MYO9B: variants seen among roughly 807,000 people sequenced by gnomAD.
The protein encoded by MYO9B is unconventional myosin-IXb.
MYO9B carries 71 observed loss-of-function variants against 229.5 expected under a neutral mutation model. That is an observed-to-expected ratio of 0.31 (90% CI 0.26 to 0.38). The LOEUF (loss-of-function observed/expected upper bound fraction) is 0.38. MYO9B is among the 10% of genes least tolerant of loss of function. The pLI is 1.00. For synonymous variants in MYO9B, 1,185 were observed against 1,235.8 expected, an observed-to-expected ratio of 0.96 and a Z score of 0.86; for missense variants, 2,255 against 2,920.5, an observed-to-expected ratio of 0.77 and a Z score of 5.25.
chr19:17,178,189 C>T (rs1385464070), intron 14 of MYO9B, among the ~76,000 whole-genome samples: 1 of 152,196 alleles, frequency 6.6e-6, no homozygotes, highest in Non-Finnish European at 1.5e-5. Context: ...GCTCTGCCTC[C>T]CTGGAGGGCT....
chr19:17,208,862 G>T (rs962457831), intron 35 of MYO9B, among the ~76,000 whole-genome samples: 1 of 132,850 alleles, frequency 7.5e-6, no homozygotes, highest in Non-Finnish European at 1.6e-5. Context: ...GACCACTCCA[G>T]ACTGAGTCCC....
intron 13 of MYO9B, among the ~76,000 whole-genome samples, chr19:17,173,235 G>GTGA (rs999219609): frequency 8.0e-5 from 12 of 149,540 alleles, no homozygotes; most frequent in African/African-American, 2.9e-4. Flanking sequence ...TTTGCTGATT[G>GTGA]TGATAATGTA....
chr19:17,156,275 A>G (rs1337512742), intron 6 of MYO9B, among the ~76,000 whole-genome samples: 1 of 152,062 alleles, frequency 6.6e-6, no homozygotes, highest in East Asian at 1.9e-4. Flanking sequence ...CTAGCCAGGC[A>G]TGGTGGTACA....
Position 17,211,781 on chromosome 19 carries a change from AT to A in MYO9B, c.6058+9del. 1.9e-6 allele frequency: 3 copies of A among 1,612,788 alleles called. No homozygotes were observed. Among genetic ancestry groups the A allele is most frequent in the Non-Finnish European group, 2.5e-6 (3 of 1,179,686 alleles). ...GGGCGGGGGGCCTCGGAAGGTCAGTATTAAGGTAGCGTCTGCTTTTCTCCTT... is the reference window on the plus strand; with the variant it reads ...GGGCGGGGGGCCTCGGAAGGTCAGTATAAGGTAGCGTCTGCTTTTCTCCTT... On this transcript the variant is annotated splice_region_variant and intron_variant, in intron 39 of 39. Coordinates refer to ENST00000682292, the MANE Select transcript of MYO9B (RefSeq NM_004145.4).
chr19:17,150,009 A>G (rs2072459367), intron 3 of MYO9B, among the ~76,000 whole-genome samples: 1 of 152,346 alleles, frequency 6.6e-6, no homozygotes, highest in East Asian at 1.9e-4. Flanking sequence ...GCAAAGGAAT[A>G]GAAGGAAACA....
At chr19:17,123,888 A>C (rs145746222) in intron 2 of MYO9B, among the ~76,000 whole-genome samples, 1 of 151,556 alleles carries the variant, frequency 6.6e-6, no homozygotes, top group Non-Finnish European at 1.5e-5. Flanking sequence ...TTCTCAAAAA[A>C]TCATTTTTCT....
intron 3 of MYO9B, among the ~76,000 whole-genome samples, chr19:17,145,724 G>A (rs1422963445): frequency 6.6e-6 from 1 of 152,124 alleles, no homozygotes. Context: ...GCTTTACCGA[G>A]AACAGGCAAG....
chr19:17,120,599 A>C (rs551390420), intron 2 of MYO9B, among the ~76,000 whole-genome samples: 1 of 143,172 alleles, frequency 7.0e-6, no homozygotes, highest in East Asian at 2.1e-4. Flanking sequence ...TGATCATGCC[A>C]TTGCATTCCA....
Position 17,212,176 on chromosome 19 carries a change from C to T in MYO9B, c.6340C>T (p.Pro2114Ser), listed in dbSNP as rs780041716. ...CCAGATACATTCCGTGTACATCACG[C>T]CCGGGGCAGACCTGCCAGTGCAGGG... The part of the protein sequence containing the change: ...PDQIHSVYIT[P>S]GADLPVQGAL... The change falls in exon 40 of 40, where the codon CCC becomes TCC. Residue 2114 changes from proline (P) to serine (S), a missense_variant. Pro to Ser is a moderately conservative substitution (Grantham distance 74). This residue lies in a region of MYO9B where 331 missense variants were observed against 332.5 expected (regional missense o/e 1.00). Transcript: ENST00000682292. This position sits in a 1 kb window ranked among gnomAD's most constrained non-coding sequence, Gnocchi z 5.4. 11 of 1,580,940 alleles carry T rather than the reference C, an allele frequency of 7.0e-6. No individual in the cohort carries two copies. Among genetic ancestry groups the T allele is most frequent in the African/African-American group, 1.4e-5 (1 of 74,068 alleles).
At chr19:17,152,404 A>C (rs948175039) in intron 3 of MYO9B, among the ~76,000 whole-genome samples, 2 of 151,674 alleles carry the variant, frequency 1.3e-5, no homozygotes, top group African/African-American at 2.4e-5. Context: ...TAAAAATACA[A>C]AAATTAGCTG....
chr19:17,125,957 C>T (rs943491187), intron 2 of MYO9B, among the ~76,000 whole-genome samples: 1 of 152,198 alleles, frequency 6.6e-6, no homozygotes, highest in Non-Finnish European at 1.5e-5. Flanking sequence ...GCAGCTGCCT[C>T]CTGTGCAGGC....
At position 17,172,598 on chromosome 19, in the gene MYO9B, C is replaced by T. The variant is rs752581215; in HGVS notation, c.1935+121C>T. 2.8e-5 allele frequency: 41 copies of T among 1,464,312 alleles called. No individual in the cohort carries two copies. The highest frequency in any genetic ancestry group is 3.7e-5 in the Non-Finnish European group (40 of 1,079,358). The allele number at this position is 1,464,312 out of a possible 1,614,324, so 90.7% of individuals were successfully genotyped here. On this transcript the variant is annotated intron_variant, in intron 12 of 39. Transcript: ENST00000682292. This position sits in a 1 kb window ranked among gnomAD's most constrained non-coding sequence, Gnocchi z 8.2. Reference sequence around the variant, plus strand: ...AGGGTGCTCAGAACCCACCGCGAATCCCCGGCTCCAATGTCCAAGGCGCCA... The same window carrying T: ...AGGGTGCTCAGAACCCACCGCGAATTCCCGGCTCCAATGTCCAAGGCGCCA...
At position 17,195,092 on chromosome 19, in the gene MYO9B, C is replaced by G. The variant is rs1374530193; in HGVS notation, c.3665C>G (p.Pro1222Arg). The G allele has an allele frequency of 6.2e-7, 1 of 1,612,886 alleles. No individual in the cohort carries two copies. Among genetic ancestry groups the G allele is most frequent in the East Asian group, 2.2e-5 (1 of 44,868 alleles). Residue 1222 changes from proline (P) to arginine (R), a missense_variant, in exon 22 of 40, where the codon CCC becomes CGC. Pro to Arg is a moderately radical substitution (Grantham distance 103). Transcript: ENST00000682292. The surrounding 1 kb of genome is among the most constrained non-coding windows in gnomAD (Gnocchi z 4.5). ...NTSQKQPTEQ[P>R]QAMAVGKVSE... ...TCTCAAAAGCAGCCCACAGAGCAAC[C>G]CCAGGCCATGGCAGTTGGCAAGGTC...
chr19:17,209,532 A>G (rs1172846618), intron 35 of MYO9B, 54 bp from the exon 36 acceptor site: 12 of 1,540,990 alleles, frequency 7.8e-6, no homozygotes, highest in Non-Finnish European at 1.1e-5. Context: ...CCTGGACCTC[A>G]GACGTCCCCG....
chr19:17,129,593 T>C (rs2072169219), intron 2 of MYO9B, among the ~76,000 whole-genome samples: 1 of 152,184 alleles, frequency 6.6e-6, no homozygotes, highest in South Asian at 2.1e-4. Context: ...GTCAGCCTCC[T>C]GCTCTTGGAC....
At chr19:17,126,519 G>A (rs1241134240) in intron 2 of MYO9B, among the ~76,000 whole-genome samples, 1 of 152,182 alleles carries the variant, frequency 6.6e-6, no homozygotes, top group African/African-American at 2.4e-5. Flanking sequence ...TGTCAGAATG[G>A]CTTGACTCTG....
At chr19:17,120,838 C>G (rs1277651209) in intron 2 of MYO9B, among the ~76,000 whole-genome samples, 4 of 152,106 alleles carry the variant, frequency 2.6e-5, no homozygotes, top group Non-Finnish European at 5.9e-5. Context: ...TTAGTCCTGA[C>G]ATGGTGGCAC....
chr19:17,116,310 C>T (rs986046701), intron 2 of MYO9B, among the ~76,000 whole-genome samples: 13 of 152,294 alleles, frequency 8.5e-5, no homozygotes, highest in Admixed American at 7.8e-4. Flanking sequence ...CTCACACCAG[C>T]CCCCTTCCTC....
chr19:17,183,181 C>G (rs2072880438), intron 15 of MYO9B, among the ~76,000 whole-genome samples: 1 of 152,206 alleles, frequency 6.6e-6, no homozygotes, highest in Non-Finnish European at 1.5e-5. Context: ...CTCAGCCTCC[C>G]AAAGTGCTGG....
Sources: allele counts gnomAD v4.1 joint callset (sites outside exome capture counted in the v4.1 genomes callset), GRCh38; gene constraint gnomAD v4.1.1; regional missense constraint gnomAD v4.1.1; non-coding constraint Gnocchi (gnomAD v3.1); transcripts MANE v1.5; gene names NCBI Gene and HGNC (gene_info 2026-07-23, HGNC 2026-07-21).